The following EXOC4 variants were observed in gnomAD, a reference collection of about 807,000 sequenced individuals.
EXOC4 encodes the protein exocyst complex component 4, also known as SEC8-like 1.
A neutral mutation model predicts 107.2 loss-of-function variants in EXOC4; 71 were observed. The observed-to-expected ratio is 0.66, with a 90% CI of 0.55 to 0.81. The LOEUF is 0.81. Ranked by LOEUF, EXOC4 falls within the 30% of genes least tolerant of loss-of-function variation. The pLI, the probability that EXOC4 is intolerant of heterozygous loss-of-function variation, is 0.00. For missense variants in EXOC4, 1,108 were observed against 1,189.6 expected, an observed-to-expected ratio of 0.93 and a Z score of 1.01; for synonymous variants, 456 against 441.2, an observed-to-expected ratio of 1.03 and a Z score of -0.42.
At chr7:133,997,085 G>T (rs1052691656) in intron 14 of EXOC4, among the ~76,000 whole-genome samples, 1 of 152,118 alleles carries the variant, frequency 6.6e-6, no homozygotes, top group Non-Finnish European at 1.5e-5. Flanking sequence ...GTTTCCTTTC[G>T]CCAGCATTTG....
chr7:133,797,731 C>T (rs943672484), intron 10 of EXOC4, among the ~76,000 whole-genome samples: 1 of 152,184 alleles, frequency 6.6e-6, no homozygotes, highest in Non-Finnish European at 1.5e-5. Context: ...CCTGAAGTCT[C>T]TAGTCCCTGG....
intron 9 of EXOC4, among the ~76,000 whole-genome samples, chr7:133,546,296 A>AC (rs1418997055): frequency 8.1e-6 from 1 of 122,988 alleles, no homozygotes; most frequent in Middle Eastern, 6.4e-3. Context: ...TTGCTCTGTC[A>AC]CCCAGGCTGG....
intron 9 of EXOC4, among the ~76,000 whole-genome samples, chr7:133,527,714 A>G (rs1584979214): frequency 6.6e-6 from 1 of 152,236 alleles, no homozygotes; most frequent in Admixed American, 6.5e-5. Context: ...TGTGAATTAC[A>G]TTAAAAAAAT....
At chr7:133,439,083 T>TA (rs1229966908) in intron 7 of EXOC4, among the ~76,000 whole-genome samples, 1 of 152,008 alleles carries the variant, frequency 6.6e-6, no homozygotes, top group Non-Finnish European at 1.5e-5. Context: ...TGGGTTGGAT[T>TA]ACCACTGTTC....
intron 9 of EXOC4, among the ~76,000 whole-genome samples, chr7:133,502,238 G>A (rs762978751): frequency 8.5e-5 from 13 of 152,212 alleles, no homozygotes; most frequent in Non-Finnish European, 1.0e-4. Context: ...AAATTCAGAG[G>A]AGGGAAAGAA....
chr7:133,579,353 T>C (rs1460068479), intron 9 of EXOC4, among the ~76,000 whole-genome samples: 2 of 152,190 alleles, frequency 1.3e-5, no homozygotes, highest in African/African-American at 4.8e-5. Flanking sequence ...GATAAGAAAA[T>C]ATTCTCTTCT....
At chr7:133,403,412 C>T (rs968111841) in intron 7 of EXOC4, among the ~76,000 whole-genome samples, 5 of 152,132 alleles carry the variant, frequency 3.3e-5, no homozygotes, top group South Asian at 2.1e-4. Context: ...AAACTGCTGG[C>T]GGGCCATCAT....
chr7:133,571,368 G>A (rs1004315176), intron 9 of EXOC4, among the ~76,000 whole-genome samples: 2 of 152,142 alleles, frequency 1.3e-5, no homozygotes, highest in African/African-American at 4.8e-5. Context: ...CACAGATTGA[G>A]TAATTTATAA....
At chr7:133,768,286 T>C (rs1167600365) in intron 10 of EXOC4, 1 of 151,906 alleles carries the variant, frequency 6.6e-6, no homozygotes, top group African/African-American at 2.4e-5. Context: ...CATTTTTTAT[T>C]ATGAGGAATA....
At chr7:133,381,743 C>G (rs1289832447) in intron 7 of EXOC4, among the ~76,000 whole-genome samples, 1 of 152,076 alleles carries the variant, frequency 6.6e-6, no homozygotes, top group Non-Finnish European at 1.5e-5. Flanking sequence ...ATTCTTAGCT[C>G]CATCTTACAC....
chr7:133,527,044 A>T (rs1256903018), intron 9 of EXOC4, among the ~76,000 whole-genome samples: 2 of 152,168 alleles, frequency 1.3e-5, no homozygotes, highest in African/African-American at 4.8e-5. Flanking sequence ...TTACAAAGGG[A>T]CAATAACCAT....
In EXOC4 at chr7:133,938,038, G is replaced by A; in HGVS notation, c.2175G>A (p.Lys725=). 6.2e-7 allele frequency: 1 copy of A among 1,614,162 alleles called. No homozygotes were observed. The highest frequency in any genetic ancestry group is 8.5e-7 in the Non-Finnish European group (1 of 1,180,032). ...ESLEWLASRT[K]SAFSNLSTSQ... ...TGGAATGGTTGGCAAGTCGAACAAA[G>A]TCAGCTTTCTCCAATCTTTCTACAT... The change falls in exon 14 of 18, where the codon AAG becomes AAA. Residue 725 remains lysine (K), a synonymous_variant. Transcript: ENST00000253861.
chr7:133,885,527 T>C (rs1799066158), intron 11 of EXOC4, among the ~76,000 whole-genome samples: 1 of 152,126 alleles, frequency 6.6e-6, no homozygotes, highest in South Asian at 2.1e-4. Context: ...GAAGGCACAG[T>C]CACTGATCAA....
At chr7:133,397,534 T>A (rs1796998595) in intron 7 of EXOC4, among the ~76,000 whole-genome samples, 2 of 152,210 alleles carry the variant, frequency 1.3e-5, no homozygotes, top group Non-Finnish European at 2.9e-5. Context: ...GTCTGTAAAC[T>A]ATTGCTGTGT....
chr7:133,731,601 A>G (rs980667976), intron 10 of EXOC4, among the ~76,000 whole-genome samples: 1 of 152,218 alleles, frequency 6.6e-6, no homozygotes, highest in African/African-American at 2.4e-5. Context: ...AATACAGTGG[A>G]GTAGCATGGA....
At chr7:133,564,275 C>T (rs1488596651) in intron 9 of EXOC4, among the ~76,000 whole-genome samples, 4 of 152,010 alleles carry the variant, frequency 2.6e-5, no homozygotes, top group South Asian at 2.1e-4. Context: ...CTTACATGGC[C>T]GGGGTAGAAG....
At chr7:133,671,262 C>T (rs530722082) in intron 10 of EXOC4, among the ~76,000 whole-genome samples, 3 of 152,178 alleles carry the variant, frequency 2.0e-5, no homozygotes, top group Admixed American at 6.5e-5. Context: ...CTGCTTTCAC[C>T]TTTTTAAAGG....
chr7:133,735,153 G>T (rs137932718), intron 10 of EXOC4, among the ~76,000 whole-genome samples: 3 of 137,568 alleles, frequency 2.2e-5, no homozygotes, highest in African/African-American at 8.1e-5. Context: ...TTGAACCTTG[G>T]AGGTGGAGGT....
chr7:133,356,401 A>G lies in EXOC4; in HGVS notation c.835A>G (p.Met279Val). ...TCCAGAGGAAAACAGCACCCTGTTTATGGGTATCCTCATTAAGGGCTTGGC... is the reference window on the plus strand; with the variant it reads ...TCCAGAGGAAAACAGCACCCTGTTTGTGGGTATCCTCATTAAGGGCTTGGC... ...LDPEENSTLF[M>V]GILIKGLAKL... Residue 279 changes from methionine (M) to valine (V), a missense_variant, in exon 6 of 18, where the codon ATG becomes GTG. Physicochemically the swap from Met to Val is conservative, Grantham distance 21. Coordinates refer to ENST00000253861, the MANE Select transcript of EXOC4 (RefSeq NM_021807.4). 1 of 1,614,100 alleles carries G rather than the reference A, an allele frequency of 6.2e-7. No homozygotes were observed. The highest frequency in any genetic ancestry group is 1.1e-5 in the South Asian group (1 of 91,084).
Sources: allele counts gnomAD v4.1 joint callset (sites outside exome capture counted in the v4.1 genomes callset), GRCh38; gene constraint gnomAD v4.1.1; transcripts MANE v1.5; gene names NCBI Gene and HGNC (gene_info 2026-07-23, HGNC 2026-07-21).